Variants in XKR9 observed in about 807,000 individuals in gnomAD.
XKR9 encodes the protein XK related 9.
XKR9 carries 32 observed loss-of-function variants against 32.0 expected under a neutral mutation model. That is an observed-to-expected ratio of 1.00 (90% confidence interval 0.76 to 1.34). The LOEUF (loss-of-function observed/expected upper bound fraction) is 1.34. Ranked by LOEUF, XKR9 falls within the 40% of genes most tolerant of loss-of-function variation. XKR9 has a pLI of 0.00. For synonymous variants in XKR9, 168 were observed against 143.4 expected (o/e 1.17, Z -1.22); for missense variants, 546 against 429.7 (o/e 1.27, Z -2.39).
chr8:71,057,369 A>G, the XKR9 span, among the ~76,000 whole-genome samples: 1 of 152,154 alleles, frequency 6.6e-6, no homozygotes, highest in African/African-American at 2.4e-5. Flanking sequence ...TCTAATTTGT[A>G]TGTTGCCCAA....
chr8:70,860,341 A>G, the XKR9 span, among the ~76,000 whole-genome samples: 2 of 152,216 alleles, frequency 1.3e-5, no homozygotes, highest in East Asian at 3.9e-4. Context: ...TGAAGATACA[A>G]CGAGAAGTTG....
the XKR9 span, among the ~76,000 whole-genome samples, chr8:70,828,193 G>A: frequency 1.3e-5 from 2 of 152,146 alleles, no homozygotes; most frequent in Non-Finnish European, 2.9e-5. Context: ...AACCAAGTTT[G>A]TTGCCCTTTT....
intron 2 of XKR9, among the ~76,000 whole-genome samples, chr8:70,743,967 T>C (rs943071357): frequency 1.3e-5 from 2 of 152,032 alleles, no homozygotes; most frequent in African/African-American, 4.8e-5. Flanking sequence ...TGGTTATTTG[T>C]GAGACGATTT....
the XKR9 span, among the ~76,000 whole-genome samples, chr8:70,862,424 G>T: frequency 6.6e-6 from 1 of 151,726 alleles, no homozygotes; most frequent in Non-Finnish European, 1.5e-5. Flanking sequence ...TGGGGGTCAT[G>T]TTATTTTGGT....
At chr8:70,675,802 A>G (rs1818864479) in intron 2 of XKR9, among the ~76,000 whole-genome samples, 1 of 152,182 alleles carries the variant, frequency 6.6e-6, no homozygotes, top group African/African-American at 2.4e-5. Flanking sequence ...TGTCCATATC[A>G]TTATCGGCAT....
At chr8:70,790,947 G>A (rs1229713903), downstream of XKR9, among the ~76,000 whole-genome samples, 4 of 152,010 alleles carry the variant, frequency 2.6e-5, no homozygotes, top group East Asian at 7.7e-4. Flanking sequence ...GGGGCAAACA[G>A]CTCACTCAGG....
intron 2 of XKR9, among the ~76,000 whole-genome samples, chr8:70,776,408 CT>C (rs958624420): frequency 2.6e-5 from 4 of 151,944 alleles, no homozygotes; most frequent in Non-Finnish European, 5.9e-5. Context: ...GATATTTCTT[CT>C]GTTTTTTGGT....
At chr8:70,848,707 A>C in the XKR9 span, among the ~76,000 whole-genome samples, 1 of 151,578 alleles carries the variant, frequency 6.6e-6, no homozygotes, top group South Asian at 2.1e-4. Context: ...ACATGCAAAG[A>C]CACATGTAGG....
the XKR9 span, among the ~76,000 whole-genome samples, chr8:70,869,251 A>G: frequency 6.6e-6 from 1 of 152,230 alleles, no homozygotes; most frequent in Non-Finnish European, 1.5e-5. Flanking sequence ...TTACTGTATT[A>G]TTTCGTTTTC....
chr8:71,047,703 G>T, the XKR9 span, among the ~76,000 whole-genome samples: 1 of 152,106 alleles, frequency 6.6e-6, no homozygotes, highest in South Asian at 2.1e-4. Flanking sequence ...GCTCCTGCAG[G>T]GTTGGGATCA....
At chr8:70,686,985 A>T (rs1215458633) in intron 3 of XKR9, among the ~76,000 whole-genome samples, 1 of 152,142 alleles carries the variant, frequency 6.6e-6, no homozygotes, top group East Asian at 1.9e-4. Context: ...ACTCTTAGTT[A>T]TTTAAAAATA....
intron 3 of XKR9, among the ~76,000 whole-genome samples, chr8:70,687,523 T>C (rs889610246): frequency 2.6e-5 from 4 of 151,830 alleles, no homozygotes; most frequent in South Asian, 2.1e-4. Context: ...GCATGTGCCA[T>C]CAGGTCTGGC....
At chr8:70,801,805 A>G in the XKR9 span, among the ~76,000 whole-genome samples, 5 of 152,104 alleles carry the variant, frequency 3.3e-5, no homozygotes, top group Non-Finnish European at 2.9e-5. Flanking sequence ...GAGTCTATTC[A>G]TAGGTCTCTA....
At chr8:70,925,116 C>T in the XKR9 span, among the ~76,000 whole-genome samples, 2 of 152,142 alleles carry the variant, frequency 1.3e-5, no homozygotes, top group Admixed American at 1.3e-4. Flanking sequence ...GAGAAGTTTC[C>T]TCAATTTCCT....
chr8:71,014,053 T>G, the XKR9 span, among the ~76,000 whole-genome samples: 1 of 152,018 alleles, frequency 6.6e-6, no homozygotes, highest in Non-Finnish European at 1.5e-5. Flanking sequence ...TGTCGCAAAT[T>G]TGGGTTATGG....
chr8:70,824,344 ATAAGT>A, the XKR9 span, among the ~76,000 whole-genome samples: 2 of 152,152 alleles, frequency 1.3e-5, no homozygotes, highest in Non-Finnish European at 2.9e-5. Context: ...TTTCTGTAGT[ATAAGT>A]TAAGGCCTAT....
intron 2 of XKR9, among the ~76,000 whole-genome samples, chr8:70,754,259 A>G (rs1301489756): frequency 6.8e-6 from 1 of 147,522 alleles, no homozygotes; most frequent in Non-Finnish European, 1.5e-5. Flanking sequence ...TCAATGAAAT[A>G]AAAGAGGATA....
chr8:70,960,189 G>C, the XKR9 span, among the ~76,000 whole-genome samples: 4 of 151,968 alleles, frequency 2.6e-5, no homozygotes, highest in East Asian at 5.8e-4. Flanking sequence ...AGGTTGCAGT[G>C]AGCCGAGATC....
intron 2 of XKR9, among the ~76,000 whole-genome samples, chr8:70,753,319 C>T (rs1454659760): frequency 2.0e-5 from 3 of 151,598 alleles, no homozygotes; most frequent in South Asian, 4.2e-4. Flanking sequence ...GATTCACAGC[C>T]GAATTCTACC....
Sources: gnomAD v4.1 joint callset for allele counts (sites outside exome capture counted in the v4.1 genomes callset) on GRCh38, gnomAD v4.1.1 for gene constraint, MANE v1.5 for transcripts, NCBI Gene and HGNC (gene_info 2026-07-23, HGNC 2026-07-21) for gene names.